The following GALNTL5 variants were observed in gnomAD, a reference collection of about 807,000 sequenced individuals.
GALNTL5 encodes the protein inactive polypeptide N-acetylgalactosaminyltransferase-like protein 5.
A neutral mutation model predicts 51.0 loss-of-function variants in GALNTL5; 44 were observed. That is an observed-to-expected ratio of 0.86 (90% CI 0.68 to 1.11). GALNTL5 has a LOEUF of 1.11. GALNTL5 is among the 50% of genes least tolerant of loss of function. The pLI is 0.00. For synonymous variants in GALNTL5, 192 were observed against 182.8 expected (o/e 1.05, Z -0.41); for missense variants, 528 against 531.8 (o/e 0.99, Z 0.07).
rs1339702241 is a variant in GALNTL5, at chr7:152,004,693, G to A, written c.908+1730G>A. On this transcript the variant is annotated intron_variant, in intron 6 of 8. Coordinates refer to ENST00000392800, the MANE Select transcript of GALNTL5 (RefSeq NM_145292.4). ...TTATTTAGTTCCCACTTATAAATGA[G>A]AACATGTGTATTTCTCTTTCTGCTT... Among the ~76,000 whole-genome samples the A allele has an allele frequency of 2.6e-5, 4 of 152,260 alleles. No homozygotes were observed. The East Asian group carries it at 7.7e-4, about 29-fold the overall frequency.
At chr7:151,995,501 GAGA>G (rs1214861912) in intron 5 of GALNTL5, among the ~76,000 whole-genome samples, 2 of 151,368 alleles carry the variant, frequency 1.3e-5, no homozygotes, top group Non-Finnish European at 2.9e-5. Context: ...TGCAGTTTGA[GAGA>G]AGGAGTTTTT....
chr7:151,982,692 T>C, intron 3 of GALNTL5: 1 of 432,558 alleles, frequency 2.3e-6, no homozygotes, highest in East Asian at 5.3e-5. Flanking sequence ...TACATGAATA[T>C]AATTTGTGTT....
chr7:152,003,150 C>T (rs548832837), intron 6 of GALNTL5, among the ~76,000 whole-genome samples, 187 bp downstream of exon 6: 33 of 152,230 alleles, frequency 2.2e-4, no homozygotes, highest in African/African-American at 5.5e-4. Flanking sequence ...CAATATATAA[C>T]GTGATATGAT....
chr7:151,978,495 A>G (rs4725440), intron 3 of GALNTL5, among the ~76,000 whole-genome samples: 62,576 of 151,724 alleles, frequency 0.41, 13,079 homozygotes, highest in Middle Eastern at 0.49. Flanking sequence ...CCCCTACCCA[A>G]ATCTCCTTAA....
chr7:152,018,487 G>C (rs1340311680), intron 8 of GALNTL5, among the ~76,000 whole-genome samples: 2 of 151,986 alleles, frequency 1.3e-5, no homozygotes, highest in Non-Finnish European at 2.9e-5. Context: ...CGCTGGTCAG[G>C]GATCTAGATG....
chr7:151,983,642 G>T (rs1171179853), intron 4 of GALNTL5, among the ~76,000 whole-genome samples: 1 of 152,178 alleles, frequency 6.6e-6, no homozygotes. Flanking sequence ...CAGAGGGGTG[G>T]AGGGGCGGTG....
chr7:151,976,245 C>A (rs951544675), intron 3 of GALNTL5, among the ~76,000 whole-genome samples: 1 of 152,126 alleles, frequency 6.6e-6, no homozygotes, highest in East Asian at 1.9e-4. Flanking sequence ...TATTTAGGTT[C>A]TCTGACGTTG....
At chr7:151,996,093 G>C (rs2081495837) in intron 5 of GALNTL5, among the ~76,000 whole-genome samples, 1 of 152,196 alleles carries the variant, frequency 6.6e-6, no homozygotes, top group African/African-American at 2.4e-5. Flanking sequence ...CAGATTTATA[G>C]TGAGTTAAAT....
intron 5 of GALNTL5, among the ~76,000 whole-genome samples, chr7:151,990,805 G>GATCTGGGTTGAAGAGC (rs1268523094): frequency 6.6e-6 from 1 of 151,860 alleles, no homozygotes; most frequent in East Asian, 1.9e-4. Context: ...GACTTTGGAG[G>GATCTGGGTTGAAGAGC]CTCTGGGTTG....
intron 1 of GALNTL5, among the ~76,000 whole-genome samples, chr7:151,965,274 C>T (rs554460241): frequency 2.0e-5 from 3 of 152,268 alleles, no homozygotes; most frequent in South Asian, 4.2e-4. Context: ...ATAACGTTCT[C>T]GCCTCCAGAC....
intron 3 of GALNTL5, among the ~76,000 whole-genome samples, chr7:151,982,101 GCACA>G (rs2081299018): frequency 6.6e-6 from 1 of 151,838 alleles, no homozygotes; most frequent in Non-Finnish European, 1.5e-5. Flanking sequence ...TCCCTCATAT[GCACA>G]CACACAAAAA....
At chr7:151,979,713 T>A (rs1230797946) in intron 3 of GALNTL5, among the ~76,000 whole-genome samples, 1 of 152,146 alleles carries the variant, frequency 6.6e-6, no homozygotes, top group African/African-American at 2.4e-5. Flanking sequence ...CACCTTGGCC[T>A]CCCAAAGTGC....
chr7:152,011,612 G>C (rs1200313606), intron 7 of GALNTL5, among the ~76,000 whole-genome samples: 1 of 152,190 alleles, frequency 6.6e-6, no homozygotes, highest in Admixed American at 6.5e-5. Context: ...TGCCAGTTTA[G>C]ACTCCACCCA....
At chr7:151,959,130 C>G (rs1381507510) in intron 1 of GALNTL5, among the ~76,000 whole-genome samples, 1 of 152,174 alleles carries the variant, frequency 6.6e-6, no homozygotes, top group Non-Finnish European at 1.5e-5. Flanking sequence ...CACTGGGGAC[C>G]TGCCCCTCTC....
chr7:151,987,194 AC>A lies in GALNTL5; in HGVS notation c.572del (p.Thr191IlefsTer8), dbSNP rs1165516396. 4.4e-6 allele frequency: 7 copies of A among 1,598,026 alleles called. No homozygotes were observed. Among genetic ancestry groups the A allele is most frequent in the African/African-American group, 2.7e-5 (2 of 73,902 alleles). Reference protein sequence around the residue: ...LKEKLDYHLETFRGKVKIIRN... With the variant: ...LKEKLDYHLEXFRGKVKIIRN... The stretch of plus-strand genomic sequence containing the variant: ...AGAAAAACTAGACTATCACCTGGAA[AC>A]TTTTCGGGGAAAGGTTAAAATAATA... On this transcript the variant is annotated frameshift_variant, in exon 5 of 9. Transcript: ENST00000392800. LOFTEE classifies it high-confidence loss of function.
rs760874736 is a variant in GALNTL5, at chr7:152,019,719, G to A, written c.1250G>A (p.Arg417Lys). The stretch of plus-strand genomic sequence containing the variant: ...AATATTCGCGAGCGTGTTGAGTTAA[G>A]GAAACGACTGGGTTGCAAGTCATTT... ...YGNIRERVEL[R>K]KRLGCKSFQW... The change falls in exon 9 of 9, where the codon AGG becomes AAG. Residue 417 changes from arginine to lysine, a missense_variant. Physicochemically the swap from Arg to Lys is conservative, Grantham distance 26. Coordinates refer to ENST00000392800, the MANE Select transcript of GALNTL5 (RefSeq NM_145292.4). 1 of 1,613,922 alleles carries A rather than the reference G, an allele frequency of 6.2e-7. No homozygotes were observed. Among genetic ancestry groups the A allele is most frequent in the South Asian group, 1.1e-5 (1 of 91,068 alleles).
chr7:151,968,120 A>G (rs1474711105), intron 2 of GALNTL5, among the ~76,000 whole-genome samples: 1 of 151,998 alleles, frequency 6.6e-6, no homozygotes, highest in Admixed American at 6.6e-5. Flanking sequence ...ACATAGCAAG[A>G]CACCACCTCA....
intron 3 of GALNTL5, among the ~76,000 whole-genome samples, chr7:151,973,849 A>G (rs1253168927): frequency 6.6e-6 from 1 of 152,124 alleles, no homozygotes; most frequent in African/African-American, 2.4e-5. Context: ...TGTAATCCTC[A>G]GGTGTCGAGG....
intron 7 of GALNTL5, among the ~76,000 whole-genome samples, chr7:152,008,949 A>T (rs977346459): frequency 6.6e-6 from 1 of 152,194 alleles, no homozygotes; most frequent in African/African-American, 2.4e-5. Context: ...ATACAGGCAG[A>T]GTTGGAGAGT....
Sources: gnomAD v4.1 joint callset for allele counts (sites outside exome capture counted in the v4.1 genomes callset) on GRCh38, gnomAD v4.1.1 for gene constraint, MANE v1.5 for transcripts, NCBI Gene and HGNC (gene_info 2026-07-23, HGNC 2026-07-21) for gene names.